Variants in PCDHGB2 observed in about 807,000 individuals in gnomAD.
PCDHGB2 encodes the protein protocadherin gamma-B2.
PCDHGB2 carries 55 observed loss-of-function variants against 59.3 expected under a neutral mutation model. That is an observed-to-expected ratio of 0.93 (90% CI 0.75 to 1.16). The LOEUF (loss-of-function observed/expected upper bound fraction) is 1.16. Ranked by LOEUF, PCDHGB2 falls within the 50% of genes most tolerant of loss-of-function variation. PCDHGB2 has a pLI of 0.00. For synonymous variants in PCDHGB2, 516 were observed against 512.0 expected (o/e 1.01, Z -0.11); for missense variants, 1,228 against 1,198.5 (o/e 1.02, Z -0.36).
At chr5:141,421,508 A>G (rs780491148) in intron 1 of PCDHGB2, 1 of 1,614,046 alleles carries the variant, frequency 6.2e-7, no homozygotes, top group Non-Finnish European at 8.5e-7. Flanking sequence ...ATAGACCGGG[A>G]GGAGCTCTGT....
chr5:141,432,503 G>T lies in PCDHGB2; in HGVS notation c.2422-62304G>T, dbSNP rs939325676. 8.7e-6 allele frequency: 14 copies of T among 1,613,988 alleles called. No homozygotes were observed. The highest frequency in any genetic ancestry group is 1.3e-5 in the African/African-American group (1 of 74,930). ...TGGCGTGGAGCTGGCTCCCCGCTCC[G>T]CAGAGCCCGGCTACCTGGTGACCAA... On this transcript the variant is annotated intron_variant, in intron 1 of 3. Transcript: ENST00000522605. The surrounding 1 kb of genome is among the most constrained non-coding windows in gnomAD (Gnocchi z 6.0).
chr5:141,376,796 C>G (rs1030059088), intron 1 of PCDHGB2: 1 of 345,194 alleles, frequency 2.9e-6, no homozygotes, highest in South Asian at 3.6e-5. Flanking sequence ...ACGCCATTCT[C>G]CTGCCTCAGC....
intron 1 of PCDHGB2, chr5:141,399,765 G>A: frequency 6.2e-7 from 1 of 1,613,356 alleles, no homozygotes; most frequent in African/African-American, 1.3e-5. Flanking sequence ...GCCTGCGCGT[G>A]TTGGTGGGCG....
At chr5:141,370,652 G>A in intron 1 of PCDHGB2, 1 of 1,613,890 alleles carries the variant, frequency 6.2e-7, no homozygotes, top group Non-Finnish European at 8.5e-7. Context: ...ACTTACTTGT[G>A]AGCGACCGTA....
At position 141,360,110 on chromosome 5, in the gene PCDHGB2, G is replaced by C; in HGVS notation, c.-26G>C. 6.4e-7 allele frequency: 1 copy of C among 1,563,268 alleles called. No individual in the cohort carries two copies. Among genetic ancestry groups the C allele is most frequent in the Non-Finnish European group, 8.7e-7 (1 of 1,153,082 alleles). ...CCCCGGAAGGCTTATTCCTCCTATGGGCAAAGGAGCAAAGGGAGCCAGAAG... is the reference window on the plus strand; with the variant it reads ...CCCCGGAAGGCTTATTCCTCCTATGCGCAAAGGAGCAAAGGGAGCCAGAAG... On this transcript the variant is annotated 5_prime_UTR_variant, in exon 1 of 4. Transcript: ENST00000522605.
intron 1 of PCDHGB2, chr5:141,414,330 G>T: frequency 6.2e-7 from 1 of 1,613,714 alleles, no homozygotes; most frequent in Non-Finnish European, 8.5e-7. Flanking sequence ...AGAATGGACA[G>T]GTAACCTGTT....
In PCDHGB2 at chr5:141,415,753, T is replaced by G. The variant is rs763784703; in HGVS notation, c.2421+53197T>G. On this transcript the variant is annotated intron_variant, in intron 1 of 3. Transcript: ENST00000522605. The stretch of plus-strand genomic sequence containing the variant: ...ATGTTTATTAAGGTTTTTTTTTTTT[T>G]TTTTTTTTTTTTTTTTTTTACTTTC... 6.3e-5 allele frequency: 87 copies of G among 1,381,374 alleles called. 1 individual carries two copies. The highest frequency in any genetic ancestry group is 3.3e-4 in the Admixed American group (10 of 29,906). 85.6% of individuals were successfully genotyped at this position (1,381,374 alleles called of 1,614,324 possible).
At chr5:141,376,660 T>G in intron 1 of PCDHGB2, 2 of 886,650 alleles carry the variant, frequency 2.3e-6, no homozygotes, top group South Asian at 3.6e-5. Flanking sequence ...GACTCCCTTG[T>G]TCAGGTGAGG....
chr5:141,414,791 G>A (rs375736950), intron 1 of PCDHGB2: 43 of 1,614,120 alleles, frequency 2.7e-5, no homozygotes, highest in Non-Finnish European at 3.3e-5. Context: ...GTGACAGCCA[G>A]CGACAGCGGG....
At position 141,487,667 on chromosome 5, in the gene PCDHGB2, ATATGGCTAGGCCATG is replaced by A; in HGVS notation, c.2422-7138_2422-7124del. 1.9e-6 allele frequency: 3 copies of A among 1,612,782 alleles called. No individual in the cohort carries two copies. In the South Asian group the frequency reaches 3.3e-5, roughly 18 times the overall value. ...GCTTGAGGGTTATTCTGATCCAGGC[ATATGGCTAGGCCATG>A]TCCTAGAGAGTACTGGCCTCTCAGT... On this transcript the variant is annotated intron_variant, in intron 1 of 3. Transcript: ENST00000522605. The surrounding 1 kb of genome is among the most constrained non-coding windows in gnomAD (Gnocchi z 5.0).
chr5:141,477,747 C>A lies in PCDHGB2; in HGVS notation c.2422-17060C>A. ...ACAGCTCATATCAGCGATGGGGGCA[C>A]CCCGGTCCTAGCCACCAACATCAGC... On this transcript the variant is annotated intron_variant, in intron 1 of 3. Coordinates refer to ENST00000522605, the MANE Select transcript of PCDHGB2 (RefSeq NM_018923.3). The surrounding 1 kb of genome is among the most constrained non-coding windows in gnomAD (Gnocchi z 4.9). 1.9e-6 allele frequency: 3 copies of A among 1,613,840 alleles called. No individual in the cohort carries two copies. The highest frequency in any genetic ancestry group is 2.5e-6 in the Non-Finnish European group (3 of 1,180,044).
chr5:141,373,015 TG>T (rs1769262754), intron 1 of PCDHGB2, among the ~76,000 whole-genome samples: 1 of 152,232 alleles, frequency 6.6e-6, no homozygotes, highest in Non-Finnish European at 1.5e-5. Flanking sequence ...AGCCTCCTTT[TG>T]ATAGTCTTGA....
At chr5:141,434,713 T>C (rs1377558306) in intron 1 of PCDHGB2, among the ~76,000 whole-genome samples, 1 of 152,088 alleles carries the variant, frequency 6.6e-6, no homozygotes, top group Non-Finnish European at 1.5e-5. Flanking sequence ...GGTAAATCTC[T>C]GTTCAGGGCT....
intron 1 of PCDHGB2, chr5:141,388,025 G>A (rs986664863): frequency 6.9e-7 from 1 of 1,447,232 alleles, no homozygotes. Flanking sequence ...GCTCCGTAGT[G>A]GGGAACCTCG....
Position 141,372,655 on chromosome 5 carries a change from C to T in PCDHGB2, c.2421+10099C>T, listed in dbSNP as rs1424749894. 2.5e-6 allele frequency: 4 copies of T among 1,613,986 alleles called. No homozygotes were observed. The South Asian group carries it at 3.3e-5, about 13-fold the overall frequency. ...AGGACTTTGCCTTATTCCTACAATC[C>T]GTGTGCTGCCTCACATTCCTCAAAC... On this transcript the variant is annotated intron_variant, in intron 1 of 3. Coordinates refer to ENST00000522605, the MANE Select transcript of PCDHGB2 (RefSeq NM_018923.3).
chr5:141,467,506 G>A (rs1364362269), intron 1 of PCDHGB2, among the ~76,000 whole-genome samples: 1 of 152,094 alleles, frequency 6.6e-6, no homozygotes, highest in Non-Finnish European at 1.5e-5. Flanking sequence ...TGATCTAATT[G>A]GAGTTTATTC....
chr5:141,443,555 C>T (rs1284929219), intron 1 of PCDHGB2, among the ~76,000 whole-genome samples: 1 of 152,130 alleles, frequency 6.6e-6, no homozygotes, highest in East Asian at 1.9e-4. Flanking sequence ...TGTTCCAATT[C>T]AAATGCTTTA....
At chr5:141,400,143 T>C (rs2093969868) in intron 1 of PCDHGB2, 2 of 1,613,986 alleles carry the variant, frequency 1.2e-6, no homozygotes, top group Admixed American at 3.3e-5. Flanking sequence ...CGGATATCAC[T>C]GACCGCCCTG....
At chr5:141,388,439 A>G (rs1209677690) in intron 1 of PCDHGB2, 10 of 1,613,896 alleles carry the variant, frequency 6.2e-6, no homozygotes, top group Non-Finnish European at 8.5e-6. Context: ...ATAAAGAGAA[A>G]TCAGATGGCA....
Sources: gnomAD v4.1 joint callset for allele counts (sites outside exome capture counted in the v4.1 genomes callset) on GRCh38, gnomAD v4.1.1 for gene constraint, Gnocchi (gnomAD v3.1) non-coding constraint, MANE v1.5 for transcripts, NCBI Gene and HGNC (gene_info 2026-07-23, HGNC 2026-07-21) for gene names.